The following STARD6 variants were observed in gnomAD, a reference collection of about 807,000 sequenced individuals.
The protein encoded by STARD6 is stAR-related lipid transfer protein 6.
A neutral mutation model predicts 22.3 loss-of-function variants in STARD6; 21 were observed. The ratio of observed to expected loss-of-function variants is 0.94; its 90% CI spans 0.67 to 1.35. The LOEUF is 1.35. Ranked by LOEUF, STARD6 falls within the 40% of genes most tolerant of loss-of-function variation. The pLI is 0.00. For synonymous variants in STARD6, 80 were observed against 88.1 expected (o/e 0.91, Z 0.52); for missense variants, 269 against 266.9 (o/e 1.01, Z -0.05).
intron 5 of STARD6, among the ~76,000 whole-genome samples, chr18:54,334,017 T>A (rs2088888185): frequency 6.6e-6 from 1 of 152,226 alleles, no homozygotes; most frequent in African/African-American, 2.4e-5. Context: ...AAAAACAGCT[T>A]ATTGAGTATA....
intron 5 of STARD6, among the ~76,000 whole-genome samples, chr18:54,335,948 G>T (rs149921086): frequency 6.4e-4 from 98 of 152,232 alleles, no homozygotes; most frequent in African/African-American, 2.3e-3. Flanking sequence ...CCAGTCTCAG[G>T]TAGTTCTTTA....
intron 4 of STARD6, among the ~76,000 whole-genome samples, chr18:54,343,416 G>A (rs1351645281): frequency 7.1e-6 from 1 of 141,286 alleles, no homozygotes; most frequent in South Asian, 2.3e-4. Context: ...CGGGAGGGAG[G>A]TGGGGGGGTC....
chr18:54,333,735 G>C (rs972012454), intron 5 of STARD6, among the ~76,000 whole-genome samples: 1 of 152,136 alleles, frequency 6.6e-6, no homozygotes, highest in Non-Finnish European at 1.5e-5. Context: ...TTTAAGATGA[G>C]TTTAATAAAA....
chr18:54,343,275 G>A (rs1159657852), intron 4 of STARD6, among the ~76,000 whole-genome samples: 18 of 100,044 alleles, frequency 1.8e-4, no homozygotes, highest in Middle Eastern at 7.2e-3. Context: ...CAGCTGCCCC[G>A]TCTGAGAAGT....
chr18:54,344,991 A>G (rs2089021770), intron 4 of STARD6, among the ~76,000 whole-genome samples: 2 of 152,244 alleles, frequency 1.3e-5, no homozygotes, highest in Admixed American at 1.3e-4. Flanking sequence ...CAGGAATAAG[A>G]CAAGGATGTC....
At chr18:54,355,534 C>A (rs2089135951) in intron 2 of STARD6, among the ~76,000 whole-genome samples, 1 of 152,160 alleles carries the variant, frequency 6.6e-6, no homozygotes, top group Non-Finnish European at 1.5e-5. Flanking sequence ...ATGGCCCCTT[C>A]TTCCATGTGA....
chr18:54,337,171 C>T lies in STARD6; in HGVS notation c.221G>A (p.Trp74Ter). Residue 74 changes from tryptophan to a stop codon, truncating the protein, a stop_gained, in exon 5 of 8, where the codon TGG becomes TAG. Transcript: ENST00000307844. LOFTEE classifies it high-confidence loss of function. ...FLYQTGDRIT[W>*]DKSLQVYNMV... ...ATTATACACTTGCAATGATTTATCCCATGTAATTCTGTCTCCAGTTTGGTA... is the reference window on the plus strand; with the variant it reads ...ATTATACACTTGCAATGATTTATCCTATGTAATTCTGTCTCCAGTTTGGTA... The T allele has an allele frequency of 1.2e-6, 2 of 1,613,466 alleles. No individual in the cohort carries two copies. Among genetic ancestry groups the T allele is most frequent in the Non-Finnish European group, 1.7e-6 (2 of 1,179,640 alleles).
In STARD6 at chr18:54,354,549, G is replaced by C. The variant is rs1349203724; in HGVS notation, c.25C>G (p.Gln9Glu). The C allele has an allele frequency of 6.2e-7, 1 of 1,613,052 alleles. No homozygotes were observed. Among genetic ancestry groups the C allele is most frequent in the East Asian group, 2.2e-5 (1 of 44,838 alleles). Residue 9 changes from glutamine (Q) to glutamate (E), a missense_variant, in exon 3 of 8, where the codon CAA becomes GAA. Transcript: ENST00000307844. MDFKAIAQQTAQEVLGYNR... is the reference protein window; with the variant it reads MDFKAIAQETAQEVLGYNR... Reference sequence around the variant, plus strand: ...TAACCTAAAACTTCTTGGGCAGTTTGTTGGGCAATTGCCTTGAAGTCCATC... The same window carrying C: ...TAACCTAAAACTTCTTGGGCAGTTTCTTGGGCAATTGCCTTGAAGTCCATC...
At chr18:54,346,886 G>A (rs1308989395) in intron 4 of STARD6, among the ~76,000 whole-genome samples, 2 of 152,050 alleles carry the variant, frequency 1.3e-5, no homozygotes, top group Non-Finnish European at 2.9e-5. Context: ...TCACCTAGTC[G>A]CCTGGGGCTG....
chr18:54,346,136 A>G (rs908647646), intron 4 of STARD6, among the ~76,000 whole-genome samples: 1 of 152,184 alleles, frequency 6.6e-6, no homozygotes, highest in Non-Finnish European at 1.5e-5. Flanking sequence ...GACAACCTAC[A>G]GAATGGGAGA....
At chr18:54,327,671 A>T (rs2088835223) in intron 7 of STARD6, among the ~76,000 whole-genome samples, 1 of 152,202 alleles carries the variant, frequency 6.6e-6, no homozygotes, top group Admixed American at 6.5e-5. Context: ...TCATCAATGT[A>T]ATCCCTATGA....
chr18:54,336,325 C>A (rs928473995), intron 5 of STARD6, among the ~76,000 whole-genome samples: 2 of 152,176 alleles, frequency 1.3e-5, no homozygotes, highest in Admixed American at 1.3e-4. Flanking sequence ...GTAATCCCCA[C>A]ATGTCAAGGG....
At chr18:54,346,638 C>A (rs1309313364) in intron 4 of STARD6, among the ~76,000 whole-genome samples, 1 of 151,724 alleles carries the variant, frequency 6.6e-6, no homozygotes, top group South Asian at 2.1e-4. Flanking sequence ...TTTATAATAC[C>A]TAAAAGATAG....
intron 4 of STARD6, among the ~76,000 whole-genome samples, chr18:54,337,778 C>A (rs1259293433): frequency 6.6e-6 from 1 of 152,198 alleles, no homozygotes; most frequent in Non-Finnish European, 1.5e-5. Context: ...GCTAATCTTG[C>A]ATTTTCCAGT....
In STARD6 at chr18:54,354,291, C is replaced by T; in HGVS notation, c.91-188G>A. 4.7e-6 allele frequency: 3 copies of T among 637,128 alleles called. No homozygotes were observed. In the South Asian group the frequency reaches 6.6e-5, roughly 14 times the overall value. 39.5% of individuals were successfully genotyped at this position (637,128 alleles called of 1,614,324 possible). A position where few individuals can be genotyped will look rare whatever the true frequency, so the allele number is the denominator to read the frequency against. ...GTAGTGTACTGGCTATTCACAGGCA[C>T]AATCATGGTGCATGACAGCCTCAAA... is the stretch of plus-strand genomic sequence containing the variant. On this transcript the variant is annotated intron_variant, in intron 3 of 7. Transcript: ENST00000307844.
intron 5 of STARD6, 57 bp from the exon 6 acceptor site, chr18:54,331,916 T>A: frequency 7.9e-7 from 1 of 1,265,472 alleles, no homozygotes; most frequent in Non-Finnish European, 1.1e-6. Flanking sequence ...ATTCTTTGTA[T>A]TGTTTCCCCC....
At chr18:54,354,374 G>T in intron 3 of STARD6, 110 bp downstream of exon 3, 1 of 922,882 alleles carries the variant, frequency 1.1e-6, no homozygotes, top group East Asian at 2.6e-5. Context: ...GACTATAGGT[G>T]CACACCACTG....
chr18:54,327,327 A>G (rs1345393368), intron 7 of STARD6, among the ~76,000 whole-genome samples: 2 of 152,220 alleles, frequency 1.3e-5, no homozygotes. Context: ...TGGTTATAGG[A>G]AATAAAACAC....
At chr18:54,354,707 G>A (rs1192410394) in intron 2 of STARD6, 130 bp from the exon 3 acceptor site, 5 of 625,358 alleles carry the variant, frequency 8.0e-6, no homozygotes, top group Non-Finnish European at 1.4e-5. Flanking sequence ...CTTGATGAAT[G>A]CATGTATGCA....
Sources: allele counts gnomAD v4.1 joint callset (sites outside exome capture counted in the v4.1 genomes callset), GRCh38; gene constraint gnomAD v4.1.1; transcripts MANE v1.5; gene names NCBI Gene and HGNC (gene_info 2026-07-23, HGNC 2026-07-21).